Variants in RERE observed in about 807,000 individuals in gnomAD.
RERE encodes arginine-glutamic acid dipeptide repeats protein.
A neutral mutation model predicts 146.1 loss-of-function variants in RERE; 40 were observed. That is an observed-to-expected ratio of 0.27 (90% confidence interval 0.21 to 0.36). RERE has a LOEUF of 0.36. RERE is among the 10% of genes least tolerant of loss of function. The pLI is 1.00. For missense variants in RERE, 1,933 were observed against 2,138.7 expected (o/e 0.90, Z 1.90); for synonymous variants, 1,003 against 866.0 (o/e 1.16, Z -2.78).
chr1:8,697,976 T>C (rs181371109), intron 1 of RERE, among the ~76,000 whole-genome samples: 1 of 152,338 alleles, frequency 6.6e-6, no homozygotes, highest in Non-Finnish European at 1.5e-5. Flanking sequence ...CTTATAATAT[T>C]ATTTATGTAT....
At chr1:8,579,325 A>G (rs566594962) in intron 4 of RERE, among the ~76,000 whole-genome samples, 10 of 152,366 alleles carry the variant, frequency 6.6e-5, no homozygotes, top group African/African-American at 2.4e-4. Flanking sequence ...TAATTAACAC[A>G]TAATAGAGCC....
intron 2 of RERE, among the ~76,000 whole-genome samples, chr1:8,628,121 T>A (rs918997274): frequency 1.3e-5 from 2 of 152,180 alleles, no homozygotes; most frequent in Non-Finnish European, 2.9e-5. Flanking sequence ...TCCAAAGCTA[T>A]GAATTCATAT....
chr1:8,359,767 C>G lies in RERE; in HGVS notation c.3615G>C (p.Ala1205=), dbSNP rs759437856. Residue 1205 remains alanine, a synonymous_variant, in exon 19 of 23, where the codon GCG becomes GCC. Coordinates refer to ENST00000400908, the MANE Select transcript of RERE (RefSeq NM_001042681.2). The stretch of plus-strand genomic sequence containing the variant: ...ACCTCGCCAACCCTGGACTCACAGC[C>G]GCCCGCTCTGCCTCGCGCTCCCGCT... ...EREREREAER[A]AKASSSAHEG... 15 of 1,599,778 alleles carry G rather than the reference C, an allele frequency of 9.4e-6. No homozygotes were observed. The highest frequency in any genetic ancestry group is 1.8e-4 in the Middle Eastern group (1 of 5,456).
At chr1:8,742,312 C>G (rs552146224) in intron 1 of RERE, among the ~76,000 whole-genome samples, 1 of 152,204 alleles carries the variant, frequency 6.6e-6, no homozygotes, top group East Asian at 1.9e-4. Context: ...CTCTCTGACA[C>G]TCCCAAAGGG....
chr1:8,719,038 G>A (rs1029168954), intron 1 of RERE, among the ~76,000 whole-genome samples: 2 of 152,146 alleles, frequency 1.3e-5, no homozygotes, highest in African/African-American at 4.8e-5. Flanking sequence ...ATTTGTCTGT[G>A]AAGTACATCA....
At chr1:8,727,063 C>T (rs1487772551) in intron 1 of RERE, among the ~76,000 whole-genome samples, 1 of 152,130 alleles carries the variant, frequency 6.6e-6, no homozygotes. Context: ...GCCTTTGGCT[C>T]CCAAAGTGCT....
At position 8,353,331 on chromosome 1, in the gene RERE, G is replaced by A. The variant is rs1443947785; in HGVS notation, c.*1756C>T. 2.0e-5 allele frequency: 3 copies of A among 152,288 alleles called. No homozygotes were observed. Among genetic ancestry groups the A allele is most frequent in the Non-Finnish European group, 4.4e-5 (3 of 68,048 alleles). 9.4% of individuals were successfully genotyped at this position (152,288 alleles called of 1,614,324 possible). A position where few individuals can be genotyped will look rare whatever the true frequency, so the allele number is the denominator to read the frequency against. ...CTGGAAATGTCGCTATTTGACGCCA[G>A]AACCTGAATTTGAGCCAGTAGCTGC... On this transcript the variant is annotated 3_prime_UTR_variant, in exon 23 of 23. Transcript: ENST00000400908.
intron 12 of RERE, among the ~76,000 whole-genome samples, chr1:8,386,648 AAC>A (rs1249369750): frequency 1.3e-5 from 2 of 151,384 alleles, no homozygotes; most frequent in South Asian, 2.1e-4. Flanking sequence ...ATGAAAAAGA[AAC>A]ACAAACAGCC....
intron 4 of RERE, among the ~76,000 whole-genome samples, chr1:8,568,783 T>A (rs1646182786): frequency 6.6e-6 from 1 of 152,172 alleles, no homozygotes; most frequent in Admixed American, 6.5e-5. Context: ...GGACTTAGCT[T>A]CTATGATGGA....
chr1:8,520,016 T>C (rs2124336425), intron 7 of RERE, among the ~76,000 whole-genome samples: 1 of 152,180 alleles, frequency 6.6e-6, no homozygotes, highest in East Asian at 1.9e-4. Context: ...TAAACGTAGG[T>C]TTGATTAAAC....
chr1:8,503,894 G>GT (rs1380991130), intron 8 of RERE, among the ~76,000 whole-genome samples: 1 of 152,080 alleles, frequency 6.6e-6, no homozygotes, highest in African/African-American at 2.4e-5. Flanking sequence ...ATTCTGGGCT[G>GT]TTATATGTGT....
chr1:8,407,082 T>C (rs1044693017), intron 12 of RERE, among the ~76,000 whole-genome samples: 1 of 152,224 alleles, frequency 6.6e-6, no homozygotes, highest in Non-Finnish European at 1.5e-5. Flanking sequence ...TCTGCAGTGT[T>C]TGGGGCAGGC....
At chr1:8,627,497 G>A (rs1646988260) in intron 2 of RERE, among the ~76,000 whole-genome samples, 1 of 151,282 alleles carries the variant, frequency 6.6e-6, no homozygotes, top group Admixed American at 6.6e-5. Context: ...AGCTACTCAG[G>A]ACTTAGAGGC....
At chr1:8,807,639 C>T (rs1470832252) in intron 1 of RERE, among the ~76,000 whole-genome samples, 1 of 152,068 alleles carries the variant, frequency 6.6e-6, no homozygotes, top group Admixed American at 6.5e-5. Flanking sequence ...CTGTGTACAA[C>T]TATGAAGATC....
chr1:8,447,781 G>A (rs764243113), intron 11 of RERE, among the ~76,000 whole-genome samples: 19 of 152,196 alleles, frequency 1.2e-4, no homozygotes, highest in Non-Finnish European at 1.9e-4. Flanking sequence ...ATGAGTGTGC[G>A]GCACTTGCCT....
At chr1:8,607,945 C>G (rs960040167) in intron 4 of RERE, among the ~76,000 whole-genome samples, 1 of 152,064 alleles carries the variant, frequency 6.6e-6, no homozygotes, top group Admixed American at 6.6e-5. Context: ...AGGTTGGCCT[C>G]GAACTCCTGA....
At chr1:8,428,815 A>T (rs1443027847) in intron 11 of RERE, among the ~76,000 whole-genome samples, 1 of 152,210 alleles carries the variant, frequency 6.6e-6, no homozygotes, top group Non-Finnish European at 1.5e-5. Context: ...TAAAAATAAA[A>T]ATAACCACGT....
At chr1:8,815,361 AT>A (rs1557559631) in intron 1 of RERE, among the ~76,000 whole-genome samples, 1 of 152,222 alleles carries the variant, frequency 6.6e-6, no homozygotes, top group African/African-American at 2.4e-5. Context: ...AATCAATAAA[AT>A]CTATTTCTAT....
chr1:8,447,413 T>C (rs1352585525), intron 11 of RERE, among the ~76,000 whole-genome samples: 1 of 152,236 alleles, frequency 6.6e-6, no homozygotes, highest in Non-Finnish European at 1.5e-5. Flanking sequence ...TGCCTTGTTT[T>C]TTCCTCATCT....
Sources: allele counts gnomAD v4.1 joint callset (sites outside exome capture counted in the v4.1 genomes callset), GRCh38; gene constraint gnomAD v4.1.1; transcripts MANE v1.5; gene names NCBI Gene and HGNC (gene_info 2026-07-23, HGNC 2026-07-21).